The following C4orf51 variants were observed in gnomAD, a reference collection of about 807,000 sequenced individuals.
The protein encoded by C4orf51 is chromosome 4 open reading frame 51.
C4orf51 carries 25 observed loss-of-function variants against 25.2 expected under a neutral mutation model. The ratio of observed to expected loss-of-function variants is 0.99; its 90% CI spans 0.72 to 1.39. The LOEUF (loss-of-function observed/expected upper bound fraction) is 1.39, where lower values mean the gene tolerates loss of function less well. Ranked by LOEUF, C4orf51 falls within the 40% of genes most tolerant of loss-of-function variation. The probability of loss-of-function intolerance (pLI) is 0.00; values close to 1 mark genes in which losing one functional copy is unlikely to be tolerated. For missense variants in C4orf51, 252 were observed against 239.6 expected (o/e 1.05, Z -0.34); for synonymous variants, 100 against 84.5 (o/e 1.18, Z -1.01).
At chr4:145,700,135 CA>C (rs35304954) in intron 2 of C4orf51, among the ~76,000 whole-genome samples, 7,414 of 78,872 alleles carry the variant, frequency 0.094, 626 homozygotes, top group Admixed American at 0.16. Context: ...CTCTGTGCCC[CA>C]ATCCCTTATT....
chr4:145,750,850 T>C (rs1417096715), intron 1 of C4orf51, among the ~76,000 whole-genome samples: 1 of 152,194 alleles, frequency 6.6e-6, no homozygotes, highest in Admixed American at 6.5e-5. Flanking sequence ...TTTTATTTTA[T>C]CTCCTCTGAC....
chr4:145,690,078 G>T (rs1006262661), intron 1 of C4orf51, among the ~76,000 whole-genome samples: 3 of 151,906 alleles, frequency 2.0e-5, no homozygotes, highest in African/African-American at 4.8e-5. Flanking sequence ...GTGGTAACAG[G>T]CACCTGTAAT....
At chr4:145,702,933 C>A (rs1295942201) in intron 2 of C4orf51, among the ~76,000 whole-genome samples, 1 of 151,796 alleles carries the variant, frequency 6.6e-6, no homozygotes, top group African/African-American at 2.4e-5. Flanking sequence ...CCTAATCCCG[C>A]TTGAAGCAGC....
At chr4:145,702,620 G>A (rs945034542) in intron 2 of C4orf51, among the ~76,000 whole-genome samples, 2 of 152,144 alleles carry the variant, frequency 1.3e-5, no homozygotes, top group African/African-American at 2.4e-5. Flanking sequence ...ATCGCCTGGT[G>A]CTATCCCCAA....
Position 145,765,282 on chromosome 4 carries a change from C to T in C4orf51, n.167-5706C>T. ...CTCCTCCGACGCCTGACAGCTATAC[C>T]CTTCCAGGCACTGTTCCCCATATCT... On this transcript the variant is annotated intron_variant and non_coding_transcript_variant, in intron 1 of 1. Transcript: ENST00000510096. The surrounding 1 kb of genome is among the most constrained non-coding windows in gnomAD (Gnocchi z 4.7). 8.6e-7 allele frequency: 1 copy of T among 1,166,596 alleles called. No individual in the cohort carries two copies. The highest frequency in any genetic ancestry group is 1.2e-6 in the Non-Finnish European group (1 of 848,156). The allele number at this position is 1,166,596 out of a possible 1,614,324, so 72.3% of individuals were successfully genotyped here. A position where few individuals can be genotyped will look rare whatever the true frequency, so the allele number is the denominator to read the frequency against.
At chr4:145,773,600 G>T (rs1579119691), downstream of C4orf51, among the ~76,000 whole-genome samples, 1 of 152,190 alleles carries the variant, frequency 6.6e-6, no homozygotes, top group African/African-American at 2.4e-5. Context: ...CTCCTTGCTG[G>T]TATCATTTGT....
chr4:145,703,224 T>A lies in C4orf51; in HGVS notation c.307+6592T>A, dbSNP rs1343804934. On this transcript the variant is annotated intron_variant, in intron 2 of 5. Coordinates refer to ENST00000438731, the MANE Select transcript of C4orf51 (RefSeq NM_001080531.3). ...CAAGTGTAAATGGCCGGTCCTTGCC[T>A]TAACTGATGACATTACCTTGTGAAA... Among the ~76,000 whole-genome samples the A allele has an allele frequency of 1.2e-4, 18 of 151,710 alleles. 1 individual carries two copies. The highest frequency in any genetic ancestry group is 1.2e-3 in the Admixed American group (18 of 15,220).
At chr4:145,695,239 G>T (rs1050604344) in intron 1 of C4orf51, among the ~76,000 whole-genome samples, 4 of 152,130 alleles carry the variant, frequency 2.6e-5, no homozygotes, top group Non-Finnish European at 4.4e-5. Flanking sequence ...CTGCAACCTT[G>T]CCAGCATCTG....
chr4:145,705,280 A>G (rs1213424835), intron 2 of C4orf51, among the ~76,000 whole-genome samples: 4 of 152,166 alleles, frequency 2.6e-5, no homozygotes, highest in South Asian at 4.1e-4. Context: ...AGGTGTTTCT[A>G]TTTATTGGGA....
At chr4:145,687,584 C>T (rs779209079) in intron 1 of C4orf51, among the ~76,000 whole-genome samples, 2 of 152,200 alleles carry the variant, frequency 1.3e-5, no homozygotes, top group African/African-American at 2.4e-5. Flanking sequence ...TTAGGGGGAA[C>T]ACAAACCCAG....
At chr4:145,791,424 G>A in the C4orf51 span, among the ~76,000 whole-genome samples, 2 of 152,316 alleles carry the variant, frequency 1.3e-5, no homozygotes, top group South Asian at 2.1e-4. Flanking sequence ...GAAATGGGGG[G>A]ACATAAACAT....
At chr4:145,719,423 G>GTGAA (rs1489071787) in intron 2 of C4orf51, among the ~76,000 whole-genome samples, 1 of 151,986 alleles carries the variant, frequency 6.6e-6, no homozygotes, top group Non-Finnish European at 1.5e-5. Flanking sequence ...GGCTAACACT[G>GTGAA]TGAAACCCCA....
chr4:145,790,058 G>A, the C4orf51 span, among the ~76,000 whole-genome samples: 1 of 152,192 alleles, frequency 6.6e-6, no homozygotes, highest in Non-Finnish European at 1.5e-5. Flanking sequence ...GCTCCAGAAT[G>A]AGACCCTTAT....
intron 2 of C4orf51, among the ~76,000 whole-genome samples, chr4:145,698,973 T>C (rs1730255243): frequency 6.6e-6 from 1 of 151,868 alleles, no homozygotes; most frequent in Admixed American, 6.6e-5. Flanking sequence ...AAAAGAAGTG[T>C]AAATGGCCGG....
At chr4:145,780,629 A>G in the C4orf51 span, among the ~76,000 whole-genome samples, 1 of 152,250 alleles carries the variant, frequency 6.6e-6, no homozygotes, top group Non-Finnish European at 1.5e-5. Flanking sequence ...ACCAGATTAT[A>G]CAAACATTCC....
chr4:145,692,505 T>C (rs1729650163), intron 1 of C4orf51, among the ~76,000 whole-genome samples: 1 of 152,194 alleles, frequency 6.6e-6, no homozygotes, highest in Admixed American at 6.5e-5. Flanking sequence ...GGGATTGAGC[T>C]AAAAAACCTG....
intron 1 of C4orf51, among the ~76,000 whole-genome samples, chr4:145,741,060 C>T (rs1294623595): frequency 6.6e-6 from 1 of 152,150 alleles, no homozygotes; most frequent in African/African-American, 2.4e-5. Flanking sequence ...TCACAAAGGT[C>T]AGGCTTGCAA....
intron 5 of C4orf51, among the ~76,000 whole-genome samples, chr4:145,731,962 C>T (rs1177927513): frequency 6.6e-6 from 1 of 152,108 alleles, no homozygotes; most frequent in Non-Finnish European, 1.5e-5. Context: ...TGCCCAATTT[C>T]CTGCATCAAA....
At chr4:145,727,895 G>GTGTA (rs529040880) in intron 3 of C4orf51, among the ~76,000 whole-genome samples, 14,121 of 101,516 alleles carry the variant, frequency 0.14, 1,122 homozygotes, top group Middle Eastern at 0.23. Flanking sequence ...AAAAAAATGT[G>GTGTA]TATATATATA....
Sources: allele counts gnomAD v4.1 joint callset (sites outside exome capture counted in the v4.1 genomes callset), GRCh38; gene constraint gnomAD v4.1.1; non-coding constraint Gnocchi (gnomAD v3.1); transcripts MANE v1.5; gene names NCBI Gene and HGNC (gene_info 2026-07-23, HGNC 2026-07-21).